TOX4: variants seen among roughly 807,000 people sequenced by gnomAD.
The protein encoded by TOX4 is epidermal Langerhans cell protein LCP1.
Under a neutral mutation model 61.0 loss-of-function variants are expected in TOX4, and 12 were observed. The observed-to-expected ratio is 0.20, with a 90% CI of 0.13 to 0.32. TOX4 has a LOEUF of 0.32. Among genes scored for constraint, TOX4 ranks in the 10% least tolerant of loss-of-function variants. The pLI, the probability that TOX4 is intolerant of heterozygous loss-of-function variation, is 1.00. For synonymous variants in TOX4, 268 were observed against 274.8 expected (o/e 0.98, Z 0.24); for missense variants, 499 against 753.3 (o/e 0.66, Z 3.95).
At chr14:21,495,754 C>T (rs1891386117) in intron 8 of TOX4, 1 of 155,690 alleles carries the variant, frequency 6.4e-6, no homozygotes, top group Non-Finnish European at 1.4e-5. Context: ...GAAAGTAACA[C>T]ATAATAATTT....
At chr14:21,494,494 T>A (rs962232646) in intron 7 of TOX4, among the ~76,000 whole-genome samples, 3 of 152,200 alleles carry the variant, frequency 2.0e-5, no homozygotes, top group East Asian at 3.9e-4. Context: ...ACGCCTGTAA[T>A]CCCAGCACTT....
At position 21,492,110 on chromosome 14, in the gene TOX4, T is replaced by C. The variant is rs1891303046; in HGVS notation, c.811-186T>C. The C allele has an allele frequency of 8.5e-6, 5 of 585,098 alleles. No homozygotes were observed. The East Asian group carries it at 1.5e-4, about 17-fold the overall frequency. The allele number at this position is 585,098 out of a possible 1,614,324, so 36.2% of individuals were successfully genotyped here. ...GATTGGTTGTCTTTCAGAGGTATGCTCAGTGGAGTGAGTCTGCCATGGAGG... is the reference window on the plus strand; with the variant it reads ...GATTGGTTGTCTTTCAGAGGTATGCCCAGTGGAGTGAGTCTGCCATGGAGG... On this transcript the variant is annotated intron_variant, in intron 5 of 8. Transcript: ENST00000448790.
At position 21,493,086 on chromosome 14, in the gene TOX4, T is replaced by A. The variant is rs752806761; in HGVS notation, c.1470T>A (p.Pro490=). Residue 490 remains proline (P), a synonymous_variant, in exon 7 of 9, where the codon CCT becomes CCA. Transcript: ENST00000448790. ...TCAATTTACAGCAACAGCCTCCTCC[T>A]CTGCAGATCAAGAGTGTGCCTCTAC... ...VRINLQQQPP[P]LQIKSVPLPT... 6.2e-7 allele frequency: 1 copy of A among 1,614,136 alleles called. No homozygotes were observed. Among genetic ancestry groups the A allele is most frequent in the Non-Finnish European group, 8.5e-7 (1 of 1,180,028 alleles).
Position 21,498,432 on chromosome 14 carries a change from A to T in TOX4, c.*1826A>T. The T allele has an allele frequency of 2.0e-6, 3 of 1,494,516 alleles. No individual in the cohort carries two copies. Among genetic ancestry groups the T allele is most frequent in the South Asian group, 2.3e-5 (2 of 85,660 alleles). The allele number at this position is 1,494,516 out of a possible 1,614,324, so 92.6% of individuals were successfully genotyped here. A position where few individuals can be genotyped will look rare whatever the true frequency, so the allele number is the denominator to read the frequency against. ...TGGAATTAGAGGGTTTAATATTGTT[A>T]AAAAATGCATACCAAATGAAGACTG... On this transcript the variant is annotated 3_prime_UTR_variant, in exon 9 of 9. Transcript: ENST00000448790.
At chr14:21,482,734 C>T (rs775630093) in intron 2 of TOX4, 7 of 257,742 alleles carry the variant, frequency 2.7e-5, no homozygotes, top group East Asian at 1.4e-4. Context: ...TTATGTAATC[C>T]GCTAAAATAA....
intron 2 of TOX4, 30 bp downstream of exon 2, chr14:21,477,594 T>C: frequency 1.2e-6 from 2 of 1,611,462 alleles, no homozygotes; most frequent in Non-Finnish European, 1.7e-6. Context: ...GCCGCGGGGG[T>C]AGGGCCTGAG....
rs552439341 is a variant in TOX4, at chr14:21,488,515, A to G, written c.319-75A>G. The stretch of plus-strand genomic sequence containing the variant: ...AATTTGGGTAGGCAGGGAATTTATA[A>G]GCTGTCTTAAATTTAGGGGGGAAAA... On this transcript the variant is annotated intron_variant, in intron 3 of 8. Transcript: ENST00000448790. The G allele has an allele frequency of 5.0e-5, 72 of 1,444,624 alleles. 1 individual carries two copies. The East Asian group carries it at 9.3e-4, about 19-fold the overall frequency. 89.5% of individuals were successfully genotyped at this position (1,444,624 alleles called of 1,614,324 possible).
intron 2 of TOX4, among the ~76,000 whole-genome samples, chr14:21,478,160 A>T (rs1891037715): frequency 6.6e-6 from 1 of 151,796 alleles, no homozygotes; most frequent in Non-Finnish European, 1.5e-5. Flanking sequence ...CTGGTTTCGA[A>T]CTCCTGACCT....
At position 21,486,828 on chromosome 14, in the gene TOX4, C is replaced by G. The variant is rs529197884; in HGVS notation, c.76-623C>G. ...GTCAGAGCAAGACTAGCATTTTTGG[C>G]ATTGTTGAGGTTTTCTGAAAATCCT... On this transcript the variant is annotated intron_variant, in intron 2 of 8. Transcript: ENST00000448790. 1.4e-4 allele frequency among the ~76,000 whole-genome samples: 22 copies of G among 152,276 alleles called. No individual in the cohort carries two copies. In the South Asian group the frequency reaches 4.4e-3, roughly 30 times the overall value.
rs1191975021 is a variant in TOX4, at chr14:21,488,752, A to G, written c.481A>G (p.Thr161Ala). ...SQLGLSLGGG[T>A]ILPPAQSPED... is the part of the protein sequence containing the mutation. ...GCTGGGTTTGAGCCTAGGGGGTGGCACCATCCTGCCACCTGCCCAGTCACC... is the reference window on the plus strand; with the variant it reads ...GCTGGGTTTGAGCCTAGGGGGTGGCGCCATCCTGCCACCTGCCCAGTCACC... The change falls in exon 4 of 9, where the codon ACC becomes GCC. Residue 161 changes from threonine to alanine, a missense_variant. Physicochemically the swap from Thr to Ala is moderately conservative, Grantham distance 58. Coordinates refer to ENST00000448790, the MANE Select transcript of TOX4 (RefSeq NM_014828.4). 2 of 1,614,198 alleles carry G rather than the reference A, an allele frequency of 1.2e-6. No individual in the cohort carries two copies. Among genetic ancestry groups the G allele is most frequent in the South Asian group, 2.2e-5 (2 of 91,082 alleles).
At chr14:21,479,158 A>G (rs540689341) in intron 2 of TOX4, among the ~76,000 whole-genome samples, 1 of 135,638 alleles carries the variant, frequency 7.4e-6, no homozygotes, top group East Asian at 2.0e-4. Context: ...CATAAGCAGG[A>G]TAAGTGTGAA....
At chr14:21,482,977 G>A (rs1277945281) in intron 2 of TOX4, among the ~76,000 whole-genome samples, 1 of 152,002 alleles carries the variant, frequency 6.6e-6, no homozygotes, top group Non-Finnish European at 1.5e-5. Flanking sequence ...GAATAACAAA[G>A]CTTTTACACA....
At chr14:21,479,774 A>T (rs1891077608) in intron 2 of TOX4, among the ~76,000 whole-genome samples, 1 of 152,192 alleles carries the variant, frequency 6.6e-6, no homozygotes, top group Non-Finnish European at 1.5e-5. Context: ...CATTGGACTT[A>T]CCTGCATGAA....
At chr14:21,478,186 C>G (rs1315737652) in intron 2 of TOX4, among the ~76,000 whole-genome samples, 1 of 152,250 alleles carries the variant, frequency 6.6e-6, no homozygotes, top group Admixed American at 6.5e-5. Flanking sequence ...GATCCACCCA[C>G]CTCGGCCTCC....
chr14:21,483,380 C>G (rs1370832744), intron 2 of TOX4, among the ~76,000 whole-genome samples: 2 of 127,894 alleles, frequency 1.6e-5, no homozygotes, highest in African/African-American at 6.0e-5. Context: ...TCTTCCTGTT[C>G]CTATAACTTT....
intron 2 of TOX4, chr14:21,482,482 G>A (rs1313287479): frequency 2.3e-6 from 1 of 437,366 alleles, no homozygotes; most frequent in East Asian, 7.3e-5. Flanking sequence ...GGAGGGAAAT[G>A]GTATTTTTGA....
chr14:21,484,304 C>T (rs2139620808), intron 2 of TOX4, among the ~76,000 whole-genome samples: 1 of 133,866 alleles, frequency 7.5e-6, no homozygotes, highest in South Asian at 2.5e-4. Flanking sequence ...TTTCTGCTAG[C>T]TGGAAATTTT....
chr14:21,498,663 G>A lies in TOX4; in HGVS notation c.*2057G>A. ...TATTCTTTGGATAAGCAAAATGCTA[G>A]CAGCATGTGTTTTAAGCTCTGTTAA... On this transcript the variant is annotated 3_prime_UTR_variant, in exon 9 of 9. Coordinates refer to ENST00000448790, the MANE Select transcript of TOX4 (RefSeq NM_014828.4). The A allele has an allele frequency of 2.0e-6, 1 of 492,866 alleles. No homozygotes were observed. The highest frequency in any genetic ancestry group is 2.7e-5 in the South Asian group (1 of 37,318). The allele number at this position is 492,866 out of a possible 1,614,324, so 30.5% of individuals were successfully genotyped here.
intron 4 of TOX4, 126 bp downstream of exon 4, chr14:21,488,976 G>T: frequency 7.2e-7 from 1 of 1,384,062 alleles, no homozygotes; most frequent in East Asian, 2.4e-5. Flanking sequence ...CTGGGTATGG[G>T]GTTCCACCTC....
Sources: gnomAD v4.1 joint callset for allele counts (sites outside exome capture counted in the v4.1 genomes callset) on GRCh38, gnomAD v4.1.1 for gene constraint, MANE v1.5 for transcripts, NCBI Gene and HGNC (gene_info 2026-07-23, HGNC 2026-07-21) for gene names.